Variants in FCN2 observed in about 807,000 individuals in gnomAD.
The protein encoded by FCN2 is ficolin-2.
FCN2 carries 31 observed loss-of-function variants against 32.5 expected under a neutral mutation model. The observed-to-expected ratio is 0.96, with a 90% CI of 0.72 to 1.29. The LOEUF (loss-of-function observed/expected upper bound fraction) is 1.29, where lower values mean the gene tolerates loss of function less well. FCN2 is among the 50% of genes most tolerant of loss of function. FCN2 has a pLI of 0.00. For missense variants in FCN2, 412 were observed against 406.5 expected (o/e 1.01, Z -0.12); for synonymous variants, 181 against 164.5 (o/e 1.10, Z -0.77).
chr9:134,884,119 C>A (rs1830708480), intron 3 of FCN2, among the ~76,000 whole-genome samples: 1 of 151,978 alleles, frequency 6.6e-6, no homozygotes, highest in South Asian at 2.1e-4. Context: ...GAGAACCATG[C>A]CAACAAGTTC....
chr9:134,882,245 G>A (rs565209635), intron 1 of FCN2, among the ~76,000 whole-genome samples: 84 of 152,346 alleles, frequency 5.5e-4, no homozygotes, highest in African/African-American at 1.7e-3. Flanking sequence ...AGTAAGGTTT[G>A]CCTTCAGGCA....
rs754410225 is a variant in FCN2, at chr9:134,884,745, C to A, written c.274C>A (p.Pro92Thr). 1 of 1,613,980 alleles carries A rather than the reference C, an allele frequency of 6.2e-7. No individual in the cohort carries two copies. The highest frequency in any genetic ancestry group is 1.7e-5 in the Admixed American group (1 of 60,024). The change falls in exon 4 of 8, where the codon CCT (proline) becomes ACT (threonine). Residue 92 changes from proline to threonine, a missense_variant. By Grantham distance (38) the Pro-to-Thr change is conservative (BLOSUM62 -1). Transcript: ENST00000291744. ...CCTCTCTCATCCATGAACAGGAGCA[C>A]CTGGGGAGCCCCAGCCGTGCCTGAC... Reference protein sequence around the residue: ...KAGPPGPNGAPGEPQPCLTGP... With the variant: ...KAGPPGPNGATGEPQPCLTGP...
intron 5 of FCN2, 80 bp from the exon 6 acceptor site, chr9:134,885,688 G>A (rs1290348383): frequency 5.0e-6 from 8 of 1,594,134 alleles, no homozygotes; most frequent in Non-Finnish European, 6.9e-6. Context: ...TACAAATGCT[G>A]CTCCTCTGGA....
chr9:134,882,601 C>T lies in FCN2; in HGVS notation c.176C>T (p.Pro59Leu). 1 of 1,614,020 alleles carries T rather than the reference C, an allele frequency of 6.2e-7. No homozygotes were observed. Residue 59 changes from proline to leucine, a missense_variant, in exon 2 of 8, where the codon CCT (proline) becomes CTT (leucine). By Grantham distance (98) the Pro-to-Leu change is moderately conservative. Coordinates refer to ENST00000291744, the MANE Select transcript of FCN2 (RefSeq NM_004108.3). ...GGCTGTCCGGGGCTGCCTGGGGCCC[C>T]TGGGCCCAAGGGAGAGGCAGGCACC... is the stretch of plus-strand genomic sequence containing the variant. ...LRGCPGLPGAPGPKGEAGTNG... is the reference protein window; with the variant it reads ...LRGCPGLPGALGPKGEAGTNG...
At chr9:134,881,034 G>A (rs977442230) in intron 1 of FCN2, 113 bp downstream of exon 1, 10 of 772,090 alleles carry the variant, frequency 1.3e-5, no homozygotes, top group African/African-American at 3.4e-5. Flanking sequence ...GTGGAGCATC[G>A]TCTAACGAGA....
chr9:134,882,505 G>T, intron 1 of FCN2, 21 bp from the exon 2 acceptor site: 1 of 1,596,222 alleles, frequency 6.3e-7, no homozygotes, highest in Non-Finnish European at 8.6e-7. Flanking sequence ...ACACTGAGTG[G>T]CCACCTGTGT....
Position 134,886,297 on chromosome 9 carries a change from G to C in FCN2, c.560-133G>C, listed in dbSNP as rs907363724. The C allele has an allele frequency of 1.4e-5, 15 of 1,055,388 alleles. No homozygotes were observed. The African/African-American group carries it at 1.6e-4, about 11-fold the overall frequency. 65.4% of individuals were successfully genotyped at this position (1,055,388 alleles called of 1,614,324 possible). Reference sequence around the variant, plus strand: ...GGGTCAGAGCTACACAGGCCCCGGGGATGCTGCGGTGCTCTCCGCCCTCTG... The same window carrying C: ...GGGTCAGAGCTACACAGGCCCCGGGCATGCTGCGGTGCTCTCCGCCCTCTG... On this transcript the variant is annotated intron_variant, in intron 6 of 7. Transcript: ENST00000291744.
the FCN2 span, among the ~76,000 whole-genome samples, chr9:134,873,472 C>T: frequency 6.6e-6 from 1 of 152,150 alleles, no homozygotes; most frequent in East Asian, 1.9e-4. Context: ...CCTCCTTTTC[C>T]TCCCTGACCC....
the FCN2 span, among the ~76,000 whole-genome samples, chr9:134,872,562 T>C: frequency 5.9e-5 from 9 of 152,184 alleles, no homozygotes; most frequent in Non-Finnish European, 1.2e-4. Flanking sequence ...TCCACGTGGC[T>C]GGGGAGGCCT....
the FCN2 span, among the ~76,000 whole-genome samples, chr9:134,870,887 C>T: frequency 5.6e-4 from 86 of 152,226 alleles, no homozygotes; most frequent in African/African-American, 2.0e-3. This position sits in a 1 kb window ranked among gnomAD's most constrained non-coding sequence, Gnocchi z 4.3. Context: ...GGGTCAGAAT[C>T]CTCACTGCAC....
At chr9:134,870,872 T>G in the FCN2 span, among the ~76,000 whole-genome samples, 1 of 152,008 alleles carries the variant, frequency 6.6e-6, no homozygotes, top group Admixed American at 6.5e-5. This position sits in a 1 kb window ranked among gnomAD's most constrained non-coding sequence, Gnocchi z 4.3. Context: ...CCTCCTCCCT[T>G]AAGCGGGTCA....
chr9:134,884,710 A>C (rs769726971), intron 3 of FCN2, 30 bp from the exon 4 acceptor site: 7 of 1,612,298 alleles, frequency 4.3e-6, no homozygotes, highest in Non-Finnish European at 8.5e-7. Flanking sequence ...CCAAACTGTG[A>C]CACGTGTGTC....
chr9:134,864,201 C>T, the FCN2 span, among the ~76,000 whole-genome samples: 2 of 152,222 alleles, frequency 1.3e-5, no homozygotes, highest in African/African-American at 4.8e-5. Flanking sequence ...ACGGCAGATT[C>T]TCTGCAAGAG....
In FCN2 at chr9:134,883,366, G is replaced by A. The variant is rs7037264; in HGVS notation, c.268+11G>A. 0.42 allele frequency: 670,162 copies of A among 1,610,220 alleles called. 142,686 individuals carry two copies. The highest frequency in any genetic ancestry group is 0.62 in the African/African-American group (46,549 of 74,772). On this transcript the variant is annotated intron_variant, in intron 3 of 7. Coordinates refer to ENST00000291744, the MANE Select transcript of FCN2 (RefSeq NM_004108.3). Reference sequence around the variant, plus strand: ...CACCTGGGCCCAACGGTAAGGAGGGGACAAGAGTGAGAAGCGGCTTCAAGG... The same window carrying A: ...CACCTGGGCCCAACGGTAAGGAGGGAACAAGAGTGAGAAGCGGCTTCAAGG...
At chr9:134,869,257 C>G in the FCN2 span, among the ~76,000 whole-genome samples, 1 of 152,154 alleles carries the variant, frequency 6.6e-6, no homozygotes, top group Non-Finnish European at 1.5e-5. Flanking sequence ...TCATCAAGAA[C>G]AAAGCAAAGA....
upstream of FCN2, among the ~76,000 whole-genome samples, chr9:134,880,340 A>G (rs570156380): frequency 2.6e-5 from 4 of 152,252 alleles, no homozygotes; most frequent in African/African-American, 9.6e-5. Context: ...CCTCCTGAGG[A>G]GAGTCCCAAG....
chr9:134,879,156 A>G (rs1231002402), upstream of FCN2, among the ~76,000 whole-genome samples: 2 of 152,248 alleles, frequency 1.3e-5, no homozygotes, highest in African/African-American at 4.8e-5. Flanking sequence ...TCAATAGTTT[A>G]TATGAATTCG....
Position 134,880,911 on chromosome 9 carries a change from C to A in FCN2, c.90C>A (p.Asp30Glu). The A allele has an allele frequency of 6.2e-7, 1 of 1,612,654 alleles. No individual in the cohort carries two copies. Among genetic ancestry groups the A allele is most frequent in the Non-Finnish European group, 8.5e-7 (1 of 1,179,530 alleles). The change falls in exon 1 of 8, where the codon GAC (aspartate) becomes GAA (glutamate). Residue 30 changes from aspartate (D) to glutamate (E), a missense_variant. Asp to Glu is a conservative substitution (Grantham distance 45). Transcript: ENST00000291744. The stretch of plus-strand genomic sequence containing the variant: ...TGGCCTGGGCTCTCCAGGCGGCAGA[C>A]ACCTGTCCAGGTAAGGGCACTCCAG... ...LGMAWALQAADTCPEVKMVGL... is the reference protein window; with the variant it reads ...LGMAWALQAAETCPEVKMVGL...
the FCN2 span, among the ~76,000 whole-genome samples, chr9:134,866,027 T>A: frequency 0.012 from 1,778 of 151,390 alleles, 10 homozygotes; most frequent in Non-Finnish European, 0.02. Flanking sequence ...TGCTCATGGG[T>A]AGGAAGAATC....
Sources: allele counts gnomAD v4.1 joint callset (sites outside exome capture counted in the v4.1 genomes callset), GRCh38; gene constraint gnomAD v4.1.1; non-coding constraint Gnocchi (gnomAD v3.1); transcripts MANE v1.5; gene names NCBI Gene and HGNC (gene_info 2026-07-23, HGNC 2026-07-21).